Variants in SMCO4 observed in about 807,000 individuals in gnomAD.
SMCO4 encodes single-pass membrane protein with coiled-coil domains 4.
SMCO4 carries 4 observed loss-of-function variants against 3.6 expected under a neutral mutation model. That is an observed-to-expected ratio of 1.11 (90% CI 0.54 to 2.53). The LOEUF (loss-of-function observed/expected upper bound fraction) is 2.53, where lower values mean the gene tolerates loss of function less well. SMCO4 is among the 30% of genes most tolerant of loss of function. The pLI is 0.02. For synonymous variants in SMCO4, 36 were observed against 35.3 expected, an observed-to-expected ratio of 1.02 and a Z score of -0.07; for missense variants, 70 against 80.8, an observed-to-expected ratio of 0.87 and a Z score of 0.51.
chr11:93,551,971 T>G, the SMCO4 span, among the ~76,000 whole-genome samples: 1 of 152,150 alleles, frequency 6.6e-6, no homozygotes, highest in Admixed American at 6.6e-5. Flanking sequence ...GTTCTGAGAC[T>G]CCTCAACTCT....
intron 1 of SMCO4, among the ~76,000 whole-genome samples, chr11:93,505,483 G>A (rs969158868): frequency 6.6e-6 from 1 of 152,002 alleles, no homozygotes; most frequent in Admixed American, 6.6e-5. Context: ...ATGAATATAG[G>A]TCATCAGTTT....
At chr11:93,528,103 T>C (rs920238375) in intron 1 of SMCO4, among the ~76,000 whole-genome samples, 2 of 152,054 alleles carry the variant, frequency 1.3e-5, no homozygotes, top group African/African-American at 2.4e-5. Context: ...TACATGCTCA[T>C]TGTAAAAAAA....
At chr11:93,491,360 C>T (rs1358954740) in intron 2 of SMCO4, among the ~76,000 whole-genome samples, 1 of 152,222 alleles carries the variant, frequency 6.6e-6, no homozygotes, top group African/African-American at 2.4e-5. Context: ...ATAAAATTTC[C>T]TTTGGCTCCT....
At chr11:93,503,658 G>A (rs188063276) in intron 1 of SMCO4, among the ~76,000 whole-genome samples, 1 of 152,284 alleles carries the variant, frequency 6.6e-6, no homozygotes, top group East Asian at 1.9e-4. Flanking sequence ...GACACACACT[G>A]TGAAAACTGA....
chr11:93,528,481 T>G (rs1278321961), intron 1 of SMCO4, among the ~76,000 whole-genome samples: 1 of 152,230 alleles, frequency 6.6e-6, no homozygotes, highest in African/African-American at 2.4e-5. Flanking sequence ...AAGCAAGAAC[T>G]CTGGGGGTCT....
intron 2 of SMCO4, among the ~76,000 whole-genome samples, chr11:93,490,434 C>T (rs1334401479): frequency 6.6e-6 from 1 of 152,158 alleles, no homozygotes; most frequent in African/African-American, 2.4e-5. Context: ...AATATAACGG[C>T]AGCACATGCA....
intron 1 of SMCO4, among the ~76,000 whole-genome samples, chr11:93,538,839 C>T (rs987919762): frequency 7.2e-5 from 11 of 152,276 alleles, no homozygotes; most frequent in Middle Eastern, 3.4e-3. Context: ...CAAGACATTA[C>T]TTTAATGAAC....
chr11:93,535,814 C>CACAGTAAAGG, intron 1 of SMCO4: 1 of 1,613,998 alleles, frequency 6.2e-7, no homozygotes, highest in Non-Finnish European at 8.5e-7. Context: ...GCAACAGCAG[C>CACAGTAAAGG]ACAGTAAAGG....
intron 2 of SMCO4, among the ~76,000 whole-genome samples, chr11:93,498,118 G>T (rs10466333): frequency 0.21 from 31,457 of 151,964 alleles, 3,505 homozygotes; most frequent in East Asian, 0.4. Context: ...CCCAATACAC[G>T]TCAAACCCAG....
intron 2 of SMCO4, among the ~76,000 whole-genome samples, chr11:93,488,142 G>C (rs923430560): frequency 2.6e-4 from 39 of 152,338 alleles, no homozygotes; most frequent in African/African-American, 8.4e-4. Context: ...TCATGAGAAA[G>C]TGACACTGGA....
At chr11:93,520,094 G>A (rs1030267654) in intron 1 of SMCO4, among the ~76,000 whole-genome samples, 1 of 152,202 alleles carries the variant, frequency 6.6e-6, no homozygotes, top group African/African-American at 2.4e-5. Flanking sequence ...GGATGGCATC[G>A]CTCAGGCCTG....
At chr11:93,485,855 G>A (rs771391271) in intron 2 of SMCO4, among the ~76,000 whole-genome samples, 4 of 152,140 alleles carry the variant, frequency 2.6e-5, no homozygotes, top group Non-Finnish European at 4.4e-5. Flanking sequence ...TACAAGATTG[G>A]TATTTTTACC....
chr11:93,544,438 C>G (rs926249907), upstream of SMCO4, among the ~76,000 whole-genome samples: 1 of 152,142 alleles, frequency 6.6e-6, no homozygotes, highest in African/African-American at 2.4e-5. Flanking sequence ...TATAACAAGT[C>G]TTGGGGTTTT....
At chr11:93,510,478 C>T (rs1272222868) in intron 1 of SMCO4, among the ~76,000 whole-genome samples, 2 of 152,180 alleles carry the variant, frequency 1.3e-5, no homozygotes, top group African/African-American at 4.8e-5. Flanking sequence ...AAAAAACAGT[C>T]ACTTTTCCTG....
chr11:93,494,986 C>T (rs997766490), intron 2 of SMCO4, among the ~76,000 whole-genome samples: 1 of 152,132 alleles, frequency 6.6e-6, no homozygotes, highest in Non-Finnish European at 1.5e-5. Flanking sequence ...ACAGCAGCGA[C>T]CCTCCTCAGT....
upstream of SMCO4, among the ~76,000 whole-genome samples, chr11:93,544,844 A>G (rs1017677544): frequency 1.3e-5 from 2 of 152,212 alleles, no homozygotes; most frequent in East Asian, 3.8e-4. Context: ...GAAATACCTG[A>G]AACACAAAGA....
At position 93,479,288 on chromosome 11, in the gene SMCO4, T is replaced by A. The variant is rs2134562393; in HGVS notation, c.-80-19A>T. On this transcript the variant is annotated intron_variant, in intron 2 of 2. Transcript: ENST00000298966. ...GAACCTCCTGTAGAGAGAACAACTG[T>A]GATAGTAGAGAATAAACCAAATAGA... is the stretch of plus-strand genomic sequence containing the variant. 6.7e-7 allele frequency: 1 copy of A among 1,493,202 alleles called. No individual in the cohort carries two copies. The highest frequency in any genetic ancestry group is 1.4e-5 in the South Asian group (1 of 70,380). The allele number at this position is 1,493,202 out of a possible 1,614,324, so 92.5% of individuals were successfully genotyped here.
At chr11:93,523,932 C>A (rs1330343813) in intron 1 of SMCO4, among the ~76,000 whole-genome samples, 6 of 152,134 alleles carry the variant, frequency 3.9e-5, no homozygotes, top group Admixed American at 3.3e-4. Context: ...AATGAGAAAA[C>A]CTTGGAAAGA....
chr11:93,548,119 G>A (rs1949326309), upstream of SMCO4, among the ~76,000 whole-genome samples: 1 of 152,190 alleles, frequency 6.6e-6, no homozygotes, highest in Admixed American at 6.5e-5. Context: ...ATTCTCTGTA[G>A]CAGAAGTTCC....
Sources: gnomAD v4.1 joint callset for allele counts (sites outside exome capture counted in the v4.1 genomes callset) on GRCh38, gnomAD v4.1.1 for gene constraint, MANE v1.5 for transcripts, NCBI Gene and HGNC (gene_info 2026-07-23, HGNC 2026-07-21) for gene names.